The following ERC2 variants were observed in gnomAD, a reference collection of about 807,000 sequenced individuals.
ERC2 encodes the protein ELKS/RAB6-interacting/CAST family member 2, also known as ERC protein 2.
A neutral mutation model predicts 114.8 loss-of-function variants in ERC2; 42 were observed. The ratio of observed to expected loss-of-function variants is 0.37; its 90% CI spans 0.29 to 0.47. ERC2 has a LOEUF of 0.47. Among genes scored for constraint, ERC2 ranks in the 20% least tolerant of loss-of-function variants. The probability of loss-of-function intolerance (pLI) is 0.99; values close to 1 mark genes in which losing one functional copy is unlikely to be tolerated. For missense variants in ERC2, 939 were observed against 1,150.7 expected, an observed-to-expected ratio of 0.82 and a Z score of 2.66; for synonymous variants, 454 against 425.5, an observed-to-expected ratio of 1.07 and a Z score of -0.82.
chr3:56,406,955 T>C (rs1184245453), intron 2 of ERC2, among the ~76,000 whole-genome samples: 3 of 152,196 alleles, frequency 2.0e-5, no homozygotes, highest in South Asian at 4.1e-4. Flanking sequence ...AATCAGGCTT[T>C]TCTATATCAT....
At chr3:55,944,871 C>T (rs2067030599) in intron 13 of ERC2, among the ~76,000 whole-genome samples, 3 of 152,180 alleles carry the variant, frequency 2.0e-5, no homozygotes, top group African/African-American at 7.2e-5. Flanking sequence ...CAGTCCTACT[C>T]GTCAACATTC....
chr3:55,992,176 C>T lies in ERC2; in HGVS notation c.2136G>A (p.Ala712=), dbSNP rs61732592. 1.2e-3 allele frequency: 1,953 copies of T among 1,613,906 alleles called. 17 individuals are homozygous for T. The African/African-American group carries it at 0.023, about 19-fold the overall frequency. ...ADQIKQLDKE[A]SYYRDECGKA... ...TGCCACACTCGTCGCGGTAGTAAGA[C>T]GCCTCTTTATCGAGCTGTTTTATTT... The change falls in exon 11 of 18, where the codon GCG becomes GCA. Residue 712 remains alanine (A), a synonymous_variant. Transcript: ENST00000288221.
chr3:55,717,853 G>T (rs190580496), intron 15 of ERC2, among the ~76,000 whole-genome samples: 10 of 152,196 alleles, frequency 6.6e-5, no homozygotes, highest in Non-Finnish European at 1.3e-4. Context: ...TCAATCCACA[G>T]ATCGTGCAGA....
intron 15 of ERC2, among the ~76,000 whole-genome samples, chr3:55,719,551 T>C (rs902833189): frequency 3.9e-5 from 6 of 152,232 alleles, no homozygotes; most frequent in African/African-American, 1.4e-4. Flanking sequence ...CTAGCAGCTC[T>C]GGTTGGGTCT....
intron 2 of ERC2, among the ~76,000 whole-genome samples, chr3:56,321,561 T>G (rs1323817780): frequency 6.6e-6 from 1 of 152,232 alleles, no homozygotes; most frequent in African/African-American, 2.4e-5. Context: ...GGATAAACAC[T>G]GAAGTAGAGC....
At chr3:55,595,818 G>C (rs2058099273) in intron 17 of ERC2, among the ~76,000 whole-genome samples, 1 of 152,160 alleles carries the variant, frequency 6.6e-6, no homozygotes, top group African/African-American at 2.4e-5. Context: ...AACCATGAGA[G>C]TATGGCAGTT....
intron 17 of ERC2, among the ~76,000 whole-genome samples, chr3:55,643,395 G>A (rs2060267163): frequency 6.6e-6 from 1 of 152,186 alleles, no homozygotes; most frequent in African/African-American, 2.4e-5. Flanking sequence ...GCCAATGTTA[G>A]ATAAAAGAGA....
At chr3:56,226,778 C>T (rs1378608364) in intron 3 of ERC2, among the ~76,000 whole-genome samples, 1 of 152,134 alleles carries the variant, frequency 6.6e-6, no homozygotes, top group African/African-American at 2.4e-5. Flanking sequence ...CGTCTTAACT[C>T]CTAACATCCT....
chr3:56,465,202 C>T (rs1334667764), intron 1 of ERC2, among the ~76,000 whole-genome samples: 1 of 152,140 alleles, frequency 6.6e-6, no homozygotes, highest in African/African-American at 2.4e-5. Flanking sequence ...AGTTCAAGAC[C>T]AGCCTGGCCA....
At chr3:56,324,475 C>T (rs373661845) in intron 2 of ERC2, among the ~76,000 whole-genome samples, 4 of 152,178 alleles carry the variant, frequency 2.6e-5, no homozygotes, top group African/African-American at 9.7e-5. Context: ...CTCAAACGTG[C>T]TCAGAACACT....
At chr3:55,806,166 C>T (rs2059480065) in intron 14 of ERC2, among the ~76,000 whole-genome samples, 1 of 151,904 alleles carries the variant, frequency 6.6e-6, no homozygotes, top group South Asian at 2.1e-4. Context: ...GAAACCCTGT[C>T]TCTACTAAAA....
chr3:56,427,053 T>TG (rs953108390), intron 2 of ERC2, among the ~76,000 whole-genome samples: 3 of 143,706 alleles, frequency 2.1e-5, no homozygotes, highest in Non-Finnish European at 4.6e-5. Context: ...GTCCCAGTAC[T>TG]GGGGGGTTGA....
At position 56,127,066 on chromosome 3, in the gene ERC2, C is replaced by G. The variant is rs190880268; in HGVS notation, c.1473+12443G>C. Among the ~76,000 whole-genome samples the G allele has an allele frequency of 5.0e-3, 764 of 152,018 alleles. 5 individuals are homozygous for G. The highest frequency in any genetic ancestry group is 0.017 in the African/African-American group (710 of 41,462). ...TAAAAAAGAAATCAAGAAAACAATCCCATTTACAATAGCTGTAAAAAAATA... is the reference window on the plus strand; with the variant it reads ...TAAAAAAGAAATCAAGAAAACAATCGCATTTACAATAGCTGTAAAAAAATA... On this transcript the variant is annotated intron_variant, in intron 6 of 17. Coordinates refer to ENST00000288221, the MANE Select transcript of ERC2 (RefSeq NM_015576.3).
intron 6 of ERC2, among the ~76,000 whole-genome samples, chr3:56,082,584 G>A (rs1053693180): frequency 1.3e-5 from 2 of 152,048 alleles, no homozygotes; most frequent in African/African-American, 4.8e-5. Flanking sequence ...GAACAATCCA[G>A]GAACTAACTC....
At chr3:55,693,796 C>T (rs542288715) in intron 16 of ERC2, among the ~76,000 whole-genome samples, 4 of 152,048 alleles carry the variant, frequency 2.6e-5, no homozygotes, top group East Asian at 3.9e-4. Context: ...GCCACCTCCA[C>T]CTCCCAGGTT....
chr3:56,362,027 T>C (rs967649651), intron 2 of ERC2, among the ~76,000 whole-genome samples: 3 of 152,192 alleles, frequency 2.0e-5, no homozygotes, highest in East Asian at 1.9e-4. Context: ...TACCTTCCCA[T>C]TGATGGAGGC....
At chr3:55,818,950 G>A (rs1262554956) in intron 14 of ERC2, among the ~76,000 whole-genome samples, 1 of 152,208 alleles carries the variant, frequency 6.6e-6, no homozygotes, top group Non-Finnish European at 1.5e-5. Flanking sequence ...ACATAGGAAG[G>A]AACAAGCTTT....
chr3:56,019,069 T>C, intron 7 of ERC2, 38 bp from the exon 8 acceptor site: 4 of 1,528,088 alleles, frequency 2.6e-6, no homozygotes, highest in Non-Finnish European at 3.5e-6. Flanking sequence ...CATATTTGAT[T>C]ACATATCCTA....
chr3:56,311,450 C>G (rs1044978573), intron 2 of ERC2, among the ~76,000 whole-genome samples: 11 of 151,246 alleles, frequency 7.3e-5, no homozygotes, highest in African/African-American at 2.7e-4. Context: ...AGGTGCCCGC[C>G]ACCACGCCCA....
Sources: gnomAD v4.1 joint callset for allele counts (sites outside exome capture counted in the v4.1 genomes callset) on GRCh38, gnomAD v4.1.1 for gene constraint, MANE v1.5 for transcripts, NCBI Gene and HGNC (gene_info 2026-07-23, HGNC 2026-07-21) for gene names.